ELFN2: variants seen among roughly 807,000 people sequenced by gnomAD.
The protein encoded by ELFN2 is protein phosphatase 1 regulatory subunit 29.
A neutral mutation model predicts 45.5 loss-of-function variants in ELFN2; 17 were observed. The observed-to-expected ratio is 0.37, with a 90% confidence interval of 0.26 to 0.56. The LOEUF (loss-of-function observed/expected upper bound fraction) is 0.56, where lower values mean the gene tolerates loss of function less well. Among genes scored for constraint, ELFN2 ranks in the 20% least tolerant of loss-of-function variants. ELFN2 has a pLI of 0.77. For missense variants in ELFN2, 922 were observed against 1,183.2 expected (o/e 0.78, Z 3.24); for synonymous variants, 550 against 551.5 (o/e 1.00, Z 0.04).
chr22:37,360,050 G>C (rs1415751365), intron 1 of ELFN2, among the ~76,000 whole-genome samples: 3 of 152,202 alleles, frequency 2.0e-5, no homozygotes, highest in African/African-American at 7.2e-5. Flanking sequence ...TATAGACAAA[G>C]GTAAAACTCA....
At chr22:37,389,264 C>T (rs1456771479) in intron 2 of ELFN2, among the ~76,000 whole-genome samples, 1 of 152,076 alleles carries the variant, frequency 6.6e-6, no homozygotes, top group Non-Finnish European at 1.5e-5. Context: ...CACAATGGCT[C>T]CCACTGGCCC....
In ELFN2 at chr22:37,374,781, C is replaced by T. The variant is rs202021460; in HGVS notation, c.754G>A (p.Ala252Thr). Reference sequence around the variant, plus strand: ...GGCGTGGGGTGGCTCACGGGCCGGGCGGGCAGCGAGCCATTCCGACACTTG... The same window carrying T: ...GGCGTGGGGTGGCTCACGGGCCGGGTGGGCAGCGAGCCATTCCGACACTTG... ...QAKCRNGSLP[A>T]RPVSHPTPYS... is the part of the protein sequence containing the mutation. The change falls in exon 3 of 3, where the codon GCC becomes ACC. Residue 252 changes from alanine to threonine, a missense_variant. Transcript: ENST00000402918. 1.2e-4 allele frequency: 193 copies of T among 1,607,142 alleles called. 3 individuals are homozygous for T. The highest frequency in any genetic ancestry group is 1.1e-3 in the East Asian group (49 of 44,832).
intron 2 of ELFN2, among the ~76,000 whole-genome samples, chr22:37,385,531 G>C (rs953787753): frequency 1.3e-5 from 2 of 152,226 alleles, no homozygotes; most frequent in African/African-American, 4.8e-5. Flanking sequence ...GTCCCCGGAG[G>C]CACAGCAGTG....
rs1931327035 is a variant in ELFN2 at position 37,370,217 on chromosome 22, T to A, written c.*2855A>T. 2 of 151,988 alleles carry A rather than the reference T, an allele frequency of 1.3e-5. No individual in the cohort carries two copies. Among genetic ancestry groups the A allele is most frequent in the African/African-American group, 4.8e-5 (2 of 41,352 alleles). The allele number at this position is 151,988 out of a possible 1,614,324, so 9.4% of individuals were successfully genotyped here. A position where few individuals can be genotyped will look rare whatever the true frequency, so the allele number is the denominator to read the frequency against. ...GTCCCTGCAGTCAGAGAGTCTGAGG[T>A]TTCCTAAATATCTTCACGCAGAAAG... On this transcript the variant is annotated 3_prime_UTR_variant, in exon 3 of 3. Transcript: ENST00000402918.
At chr22:37,356,275 C>G (rs1433682526) in intron 1 of ELFN2, among the ~76,000 whole-genome samples, 1 of 152,142 alleles carries the variant, frequency 6.6e-6, no homozygotes, top group Non-Finnish European at 1.5e-5. Flanking sequence ...ACCCGAAGGG[C>G]CTTCACTCCC....
chr22:37,421,394 G>A (rs1326620137), intron 1 of ELFN2, among the ~76,000 whole-genome samples: 1 of 152,238 alleles, frequency 6.6e-6, no homozygotes, highest in Non-Finnish European at 1.5e-5. Flanking sequence ...CAGAGCAGAA[G>A]TTGGCACAAA....
rs542399209 is a variant in ELFN2 at position 37,356,789 on chromosome 22, T to A, written n.149-14086A>T. On this transcript the variant is annotated intron_variant and non_coding_transcript_variant, in intron 1 of 2. Transcript: ENST00000452946. ...ACTTTGTCCACGTTCCCACAGCTGG[T>A]AAGTCCAGAGCAGGAGGGATGTGAA... 1.2e-4 allele frequency among the ~76,000 whole-genome samples: 18 copies of A among 152,288 alleles called. No individual in the cohort carries two copies. In the South Asian group the frequency reaches 3.7e-3, roughly 32 times the overall value.
At chr22:37,384,671 GCTTCCCACTCCCA>G (rs1569135662) in intron 2 of ELFN2, among the ~76,000 whole-genome samples, 5 of 4,186 alleles carry the variant, frequency 1.2e-3, no homozygotes, top group African/African-American at 9.8e-4. Context: ...ACCTGACCCC[GCTTCCCACTCCCA>G]ACCCCTGCCC....
chr22:37,406,412 G>A (rs1321479126), intron 2 of ELFN2, among the ~76,000 whole-genome samples: 1 of 152,138 alleles, frequency 6.6e-6, no homozygotes, highest in Non-Finnish European at 1.5e-5. Context: ...TGCACATCTC[G>A]GGATTCACCC....
At chr22:37,381,547 A>G (rs894236821) in intron 2 of ELFN2, among the ~76,000 whole-genome samples, 4 of 143,888 alleles carry the variant, frequency 2.8e-5, no homozygotes, top group African/African-American at 1.0e-4. Flanking sequence ...CCTGACCCCC[A>G]CCTTCTCTAG....
At chr22:37,396,027 T>A (rs1020352313) in intron 2 of ELFN2, among the ~76,000 whole-genome samples, 1 of 152,140 alleles carries the variant, frequency 6.6e-6, no homozygotes, top group Non-Finnish European at 1.5e-5. Flanking sequence ...ACCGGAGGGC[T>A]GGAGACCCCC....
chr22:37,352,354 A>G (rs5756643), intron 1 of ELFN2: 37,782 of 150,534 alleles, frequency 0.25, 6,179 homozygotes, highest in African/African-American at 0.35. Context: ...GTCACTATCA[A>G]TCAGGCACCT....
chr22:37,425,042 G>A (rs927526306), intron 1 of ELFN2, among the ~76,000 whole-genome samples: 27 of 152,194 alleles, frequency 1.8e-4, no homozygotes, highest in African/African-American at 6.0e-4. Flanking sequence ...GAGAGGCGAC[G>A]CGAATGCTTA....
intron 2 of ELFN2, among the ~76,000 whole-genome samples, chr22:37,399,515 C>T (rs966479795): frequency 8.8e-5 from 13 of 148,268 alleles, no homozygotes; most frequent in African/African-American, 2.7e-4. Context: ...CCACGGGGAC[C>T]ACCAGCCCAC....
intron 2 of ELFN2, among the ~76,000 whole-genome samples, chr22:37,378,315 C>T (rs1382837339): frequency 6.6e-6 from 1 of 152,214 alleles, no homozygotes; most frequent in Non-Finnish European, 1.5e-5. Context: ...GTGTGTTCTA[C>T]ACGTGTGTGT....
chr22:37,406,704 G>A (rs902986392), intron 2 of ELFN2, among the ~76,000 whole-genome samples: 1 of 152,262 alleles, frequency 6.6e-6, no homozygotes, highest in Non-Finnish European at 1.5e-5. Context: ...CGGGCATTAG[G>A]GCAGACTTCC....
In ELFN2 at chr22:37,417,173, G is replaced by A. The variant is rs148794268; in HGVS notation, c.-463+596C>T. On this transcript the variant is annotated intron_variant, in intron 2 of 2. Coordinates refer to ENST00000402918, the MANE Select transcript of ELFN2 (RefSeq NM_052906.5). This position sits in a 1 kb window ranked among gnomAD's most constrained non-coding sequence, Gnocchi z 4.5. ...GCAGCCACCAGCCCCAGCCAGGACG[G>A]AGCAGCTCCTTCTGCCTGCCTGTCT... Among the ~76,000 whole-genome samples the A allele has an allele frequency of 6.6e-5, 10 of 152,158 alleles. No homozygotes were observed. In the East Asian group the frequency reaches 1.5e-3, roughly 24 times the overall value.
chr22:37,417,841 C>T lies in ELFN2; in HGVS notation c.-535G>A. The T allele has an allele frequency of 6.5e-6, 1 of 153,232 alleles. No homozygotes were observed. Among genetic ancestry groups the T allele is most frequent in the Non-Finnish European group, 1.5e-5 (1 of 68,760 alleles). The allele number at this position is 153,232 out of a possible 1,614,324, so 9.5% of individuals were successfully genotyped here. On this transcript the variant is annotated 5_prime_UTR_variant, in exon 2 of 3. Coordinates refer to ENST00000402918, the MANE Select transcript of ELFN2 (RefSeq NM_052906.5). This position sits in a 1 kb window ranked among gnomAD's most constrained non-coding sequence, Gnocchi z 4.5. ...GGTCTCAGAAAGGTTCCCCAGGCAGCAGCGGCAGCAGTAGCAATGAGATCT... is the reference window on the plus strand; with the variant it reads ...GGTCTCAGAAAGGTTCCCCAGGCAGTAGCGGCAGCAGTAGCAATGAGATCT...
chr22:37,420,894 G>A (rs1244565700), intron 1 of ELFN2, among the ~76,000 whole-genome samples: 1 of 152,162 alleles, frequency 6.6e-6, no homozygotes. Flanking sequence ...GGCTTTGCTG[G>A]CTCCGGAGGG....
Sources: gnomAD v4.1 joint callset for allele counts (sites outside exome capture counted in the v4.1 genomes callset) on GRCh38, gnomAD v4.1.1 for gene constraint, Gnocchi (gnomAD v3.1) non-coding constraint, MANE v1.5 for transcripts, NCBI Gene and HGNC (gene_info 2026-07-23, HGNC 2026-07-21) for gene names.